The following TAS2R1 variants were observed in gnomAD, a reference collection of about 807,000 sequenced individuals.
TAS2R1 encodes taste 2 receptor member 1.
For missense variants in TAS2R1, 370 were observed against 353.4 expected (o/e 1.05, Z -0.38); for synonymous variants, 141 against 134.2 (o/e 1.05, Z -0.35).
intron 1 of TAS2R1, among the ~76,000 whole-genome samples, chr5:9,660,858 A>T (rs1333541135): frequency 1.3e-5 from 2 of 152,144 alleles, no homozygotes; most frequent in Non-Finnish European, 2.9e-5. Flanking sequence ...TGAGGTAGGA[A>T]CCACATGCAA....
chr5:9,767,488 A>T, the TAS2R1 span, among the ~76,000 whole-genome samples: 1 of 152,100 alleles, frequency 6.6e-6, no homozygotes, highest in Non-Finnish European at 1.5e-5. Context: ...GGAAAATAAT[A>T]TTCCTGATCT....
chr5:9,774,670 T>C, the TAS2R1 span, among the ~76,000 whole-genome samples: 3 of 152,250 alleles, frequency 2.0e-5, no homozygotes, highest in Non-Finnish European at 2.9e-5. Context: ...CCTAATAACG[T>C]TGTGGTTCTT....
the TAS2R1 span, among the ~76,000 whole-genome samples, chr5:9,754,489 T>C: frequency 6.6e-6 from 1 of 152,190 alleles, no homozygotes; most frequent in Non-Finnish European, 1.5e-5. Context: ...CATGATTGTA[T>C]ACCTAGAAAA....
chr5:9,846,040 A>C, the TAS2R1 span, among the ~76,000 whole-genome samples: 1 of 152,232 alleles, frequency 6.6e-6, no homozygotes, highest in Non-Finnish European at 1.5e-5. Flanking sequence ...AATTACTACA[A>C]GGAAGGAGAT....
At chr5:9,761,083 A>C in the TAS2R1 span, 1 of 152,216 alleles carries the variant, frequency 6.6e-6, no homozygotes, top group African/African-American at 2.4e-5. Flanking sequence ...TAATAAGAGA[A>C]TAACAAGGTC....
chr5:9,730,173 T>A, the TAS2R1 span, among the ~76,000 whole-genome samples: 1 of 152,224 alleles, frequency 6.6e-6, no homozygotes, highest in African/African-American at 2.4e-5. Context: ...ATGATTTTGA[T>A]GCAGATGGAT....
the TAS2R1 span, among the ~76,000 whole-genome samples, chr5:9,886,278 G>A: frequency 1.3e-5 from 2 of 151,014 alleles, no homozygotes; most frequent in African/African-American, 2.4e-5. Context: ...GCAATTCACC[G>A]GCCTCAGCCT....
At chr5:9,764,340 C>A in the TAS2R1 span, among the ~76,000 whole-genome samples, 1 of 152,140 alleles carries the variant, frequency 6.6e-6, no homozygotes, top group Non-Finnish European at 1.5e-5. Context: ...CTTCTAAGAG[C>A]ACTTTTAAAT....
At chr5:9,683,056 C>T (rs540583779) in intron 1 of TAS2R1, among the ~76,000 whole-genome samples, 44 of 152,136 alleles carry the variant, frequency 2.9e-4, no homozygotes, top group Non-Finnish European at 6.3e-4. Context: ...AATACAAGGG[C>T]TCAGAGTATT....
intron 1 of TAS2R1, among the ~76,000 whole-genome samples, chr5:9,688,338 G>A (rs1283762507): frequency 6.6e-6 from 1 of 152,078 alleles, no homozygotes; most frequent in Non-Finnish European, 1.5e-5. Context: ...TGGTGGTCTT[G>A]TTATTTATAG....
the TAS2R1 span, among the ~76,000 whole-genome samples, chr5:9,775,098 T>C: frequency 6.6e-6 from 1 of 152,082 alleles, no homozygotes; most frequent in African/African-American, 2.4e-5. Flanking sequence ...CTTAGGAATC[T>C]ACTCAGTACT....
At chr5:9,820,200 T>G in the TAS2R1 span, among the ~76,000 whole-genome samples, 1 of 152,076 alleles carries the variant, frequency 6.6e-6, no homozygotes. Flanking sequence ...CTTAAGCACA[T>G]GGAAAGGAAG....
At chr5:9,901,634 T>C in the TAS2R1 span, among the ~76,000 whole-genome samples, 217 of 152,176 alleles carry the variant, frequency 1.4e-3, 1 homozygote, top group African/African-American at 4.9e-3. Flanking sequence ...TAAATCTTCC[T>C]GCAGTAAGAA....
chr5:9,825,570 C>T, the TAS2R1 span, among the ~76,000 whole-genome samples: 1 of 152,126 alleles, frequency 6.6e-6, no homozygotes, highest in Non-Finnish European at 1.5e-5. Context: ...AACAACTAGA[C>T]TATTTGGTTA....
chr5:9,666,586 A>T (rs917903867), intron 1 of TAS2R1, among the ~76,000 whole-genome samples: 1 of 152,218 alleles, frequency 6.6e-6, no homozygotes, highest in Admixed American at 6.5e-5. Flanking sequence ...TGCTAGTAAA[A>T]TCATAGCAGT....
At chr5:9,898,401 G>C in the TAS2R1 span, among the ~76,000 whole-genome samples, 1 of 152,144 alleles carries the variant, frequency 6.6e-6, no homozygotes, top group Non-Finnish European at 1.5e-5. Context: ...TAAGAGAGAG[G>C]GACGAGGTAG....
chr5:9,710,928 TATATA>T (rs968276172), intron 1 of TAS2R1, among the ~76,000 whole-genome samples: 59 of 145,774 alleles, frequency 4.0e-4, no homozygotes, highest in African/African-American at 1.0e-3. Flanking sequence ...ATATATTATA[TATATA>T]ATATATTATA....
chr5:9,900,322 C>T, the TAS2R1 span, among the ~76,000 whole-genome samples: 1 of 152,232 alleles, frequency 6.6e-6, no homozygotes, highest in Non-Finnish European at 1.5e-5. Context: ...ATCCTTTCCA[C>T]AGATGTTAGC....
chr5:9,696,567 AT>A (rs1211342838), intron 1 of TAS2R1, among the ~76,000 whole-genome samples: 3 of 152,030 alleles, frequency 2.0e-5, no homozygotes, highest in Non-Finnish European at 4.4e-5. Context: ...ATCTCAAAAA[AT>A]AAAATAAAAT....
Sources: allele counts gnomAD v4.1 joint callset (sites outside exome capture counted in the v4.1 genomes callset), GRCh38; gene constraint gnomAD v4.1.1; transcripts MANE v1.5; gene names NCBI Gene and HGNC (gene_info 2026-07-23, HGNC 2026-07-21).